Variants in LRRC4C observed in about 807,000 individuals in gnomAD.
The protein encoded by LRRC4C is leucine rich repeat containing 4C.
A neutral mutation model predicts 33.6 loss-of-function variants in LRRC4C; 5 were observed. That is an observed-to-expected ratio of 0.15 (90% CI 0.08 to 0.31). The LOEUF (loss-of-function observed/expected upper bound fraction) is 0.31. LRRC4C is among the 10% of genes least tolerant of loss of function. The pLI, the probability that LRRC4C is intolerant of heterozygous loss-of-function variation, is 1.00. For missense variants in LRRC4C, 560 were observed against 796.7 expected (o/e 0.70, Z 3.58); for synonymous variants, 329 against 302.0 (o/e 1.09, Z -0.93).
At chr11:40,262,272 A>G (rs1259382677) in intron 4 of LRRC4C, among the ~76,000 whole-genome samples, 1 of 152,166 alleles carries the variant, frequency 6.6e-6, no homozygotes, top group Non-Finnish European at 1.5e-5. Flanking sequence ...AATCAAAACA[A>G]GATTATTATT....
chr11:41,072,760 G>A (rs1938803282), intron 1 of LRRC4C, among the ~76,000 whole-genome samples: 2 of 152,010 alleles, frequency 1.3e-5, no homozygotes, highest in South Asian at 4.1e-4. Context: ...CCTTACCCCT[G>A]TGCAATTTTC....
chr11:41,156,184 G>T (rs1474198585), intron 1 of LRRC4C, among the ~76,000 whole-genome samples: 1 of 152,084 alleles, frequency 6.6e-6, no homozygotes, highest in Non-Finnish European at 1.5e-5. Context: ...CTGCCCCAGT[G>T]TTGCTGTGAT....
chr11:41,441,922 T>G (rs2166653), intron 1 of LRRC4C, among the ~76,000 whole-genome samples: 85,214 of 151,924 alleles, frequency 0.56, 24,395 homozygotes, highest in Non-Finnish European at 0.61. Context: ...AAATAAAACA[T>G]AAATTTAGGA....
chr11:41,008,646 C>G (rs564413622), intron 1 of LRRC4C, among the ~76,000 whole-genome samples: 168 of 152,082 alleles, frequency 1.1e-3, no homozygotes, highest in Non-Finnish European at 2.1e-3. Flanking sequence ...AACAGATATG[C>G]TATTATCATC....
At chr11:40,233,012 C>T (rs930581662) in intron 5 of LRRC4C, among the ~76,000 whole-genome samples, 1 of 152,136 alleles carries the variant, frequency 6.6e-6, no homozygotes, top group East Asian at 1.9e-4. Context: ...TGATTGAGCT[C>T]CTGGCTATCT....
chr11:41,163,211 T>A (rs190728918), intron 1 of LRRC4C, among the ~76,000 whole-genome samples: 1 of 151,914 alleles, frequency 6.6e-6, no homozygotes, highest in African/African-American at 2.4e-5. Context: ...TTAAACCTCT[T>A]TTTCTTCCCA....
intron 2 of LRRC4C, among the ~76,000 whole-genome samples, chr11:40,895,277 T>C (rs1316130876): frequency 6.6e-6 from 1 of 152,156 alleles, no homozygotes; most frequent in Non-Finnish European, 1.5e-5. Flanking sequence ...TCCAGAATTT[T>C]AAATGACCTT....
At chr11:41,316,135 T>A (rs1317277568) in intron 1 of LRRC4C, among the ~76,000 whole-genome samples, 2 of 151,970 alleles carry the variant, frequency 1.3e-5, no homozygotes, top group Non-Finnish European at 2.9e-5. Flanking sequence ...GGAGTATACA[T>A]GATACCAAAG....
intron 3 of LRRC4C, among the ~76,000 whole-genome samples, chr11:40,364,692 C>T (rs368886519): frequency 6.6e-4 from 100 of 151,968 alleles, no homozygotes; most frequent in African/African-American, 2.3e-3. Context: ...GTTTGTAAGC[C>T]TTCTGACTGA....
intron 1 of LRRC4C, among the ~76,000 whole-genome samples, chr11:41,036,739 C>A (rs1203640380): frequency 6.6e-6 from 1 of 151,886 alleles, no homozygotes; most frequent in Non-Finnish European, 1.5e-5. Flanking sequence ...ATAAGGAAAC[C>A]TAAATGATGT....
At chr11:40,496,883 C>T (rs1954489692) in intron 3 of LRRC4C, among the ~76,000 whole-genome samples, 1 of 152,134 alleles carries the variant, frequency 6.6e-6, no homozygotes, top group Admixed American at 6.5e-5. Flanking sequence ...AGTTTCCTAA[C>T]CAATTTCAGG....
At chr11:41,166,465 C>T (rs1166363655) in intron 1 of LRRC4C, among the ~76,000 whole-genome samples, 1 of 152,146 alleles carries the variant, frequency 6.6e-6, no homozygotes, top group Non-Finnish European at 1.5e-5. Flanking sequence ...CAGCCCAAGG[C>T]ATGTGGAATT....
intron 5 of LRRC4C, among the ~76,000 whole-genome samples, chr11:40,202,522 T>C (rs931192292): frequency 6.6e-6 from 1 of 152,132 alleles, no homozygotes; most frequent in Non-Finnish European, 1.5e-5. Context: ...TTTTCCTTTG[T>C]GTAAAATGAA....
At chr11:40,489,581 G>C (rs1954042396) in intron 3 of LRRC4C, among the ~76,000 whole-genome samples, 1 of 152,058 alleles carries the variant, frequency 6.6e-6, no homozygotes, top group Non-Finnish European at 1.5e-5. Context: ...GTAGTTTCTA[G>C]TACCTGGAAC....
chr11:40,979,038 G>C (rs952537130), intron 1 of LRRC4C, among the ~76,000 whole-genome samples: 1 of 151,886 alleles, frequency 6.6e-6, no homozygotes, highest in Non-Finnish European at 1.5e-5. Flanking sequence ...TTCTTTCTAG[G>C]ATAATCTGTA....
chr11:40,673,934 A>G (rs1379956376), intron 2 of LRRC4C, among the ~76,000 whole-genome samples: 1 of 152,088 alleles, frequency 6.6e-6, no homozygotes, highest in Non-Finnish European at 1.5e-5. Context: ...ATATTCATGA[A>G]CCATCGCTTT....
intron 1 of LRRC4C, among the ~76,000 whole-genome samples, chr11:41,065,462 C>A (rs1938158725): frequency 6.6e-6 from 1 of 152,146 alleles, no homozygotes; most frequent in African/African-American, 2.4e-5. Flanking sequence ...GGGGCCGGTG[C>A]AGACTCAGGT....
At chr11:40,669,069 C>T (rs1052969696) in intron 2 of LRRC4C, among the ~76,000 whole-genome samples, 1 of 152,132 alleles carries the variant, frequency 6.6e-6, no homozygotes, top group Non-Finnish European at 1.5e-5. Context: ...GGGTAGCCCT[C>T]GTTTCAAATG....
intron 5 of LRRC4C, among the ~76,000 whole-genome samples, chr11:40,214,389 T>C (rs1010250206): frequency 6.6e-6 from 1 of 152,130 alleles, no homozygotes; most frequent in Non-Finnish European, 1.5e-5. Context: ...CTATTACATA[T>C]TTCTTTTTAA....
Sources: allele counts gnomAD v4.1 joint callset (sites outside exome capture counted in the v4.1 genomes callset), GRCh38; gene constraint gnomAD v4.1.1; transcripts MANE v1.5; gene names NCBI Gene and HGNC (gene_info 2026-07-23, HGNC 2026-07-21).